Variants in TAF4 observed in about 807,000 individuals in gnomAD.
TAF4 encodes the protein TATA-box binding protein associated factor 4.
Under a neutral mutation model 90.3 loss-of-function variants are expected in TAF4, and 9 were observed. The ratio of observed to expected loss-of-function variants is 0.10; its 90% confidence interval spans 0.06 to 0.17. TAF4 has a LOEUF of 0.17. Ranked by LOEUF, TAF4 falls within the 10% of genes least tolerant of loss-of-function variation. The probability of loss-of-function intolerance (pLI) is 1.00; values close to 1 mark genes in which losing one functional copy is unlikely to be tolerated. For synonymous variants in TAF4, 818 were observed against 638.9 expected (o/e 1.28, Z -4.23); for missense variants, 1,351 against 1,370.7 (o/e 0.99, Z 0.23).
chr20:62,035,416 A>G (rs2055926811), intron 1 of TAF4, among the ~76,000 whole-genome samples: 1 of 152,344 alleles, frequency 6.6e-6, no homozygotes, highest in East Asian at 1.9e-4. Flanking sequence ...CACATAATAT[A>G]AAACCTGAAA....
chr20:62,064,994 GC>G lies in TAF4; in HGVS notation c.816del (p.Pro273HisfsTer136). ...GCCAGAGTGGCGGGCGCGGGGGGTG[GC>G]GGGGGCGGGGCGGCGGCGGGGGCGG... Reference protein sequence around the residue: ...APAAPAAAPPPPPPAPATLAR... With the variant: ...APAAPAAAPPXPPPAPATLAR... On this transcript the variant is annotated frameshift_variant, in exon 1 of 15. Coordinates refer to ENST00000252996, the MANE Select transcript of TAF4 (RefSeq NM_003185.4). LOFTEE classifies it high-confidence loss of function. 3.9e-6 allele frequency: 1 copy of G among 254,812 alleles called. No homozygotes were observed. Among genetic ancestry groups the G allele is most frequent in the Non-Finnish European group, 5.7e-6 (1 of 176,822 alleles). The allele number at this position is 254,812 out of a possible 1,614,324, so 15.8% of individuals were successfully genotyped here.
intron 1 of TAF4, among the ~76,000 whole-genome samples, chr20:62,024,741 A>G (rs1600849369): frequency 6.6e-6 from 1 of 152,094 alleles, no homozygotes; most frequent in Non-Finnish European, 1.5e-5. Context: ...GTGGTGGTGC[A>G]CACCTCTAGT....
Position 62,064,904 on chromosome 20 carries a change from CGGCGGCGGGG to C in TAF4, c.897_906del (p.Ala301ArgfsTer105). On this transcript the variant is annotated frameshift_variant, in exon 1 of 15. Coordinates refer to ENST00000252996, the MANE Select transcript of TAF4 (RefSeq NM_003185.4). LOFTEE classifies it high-confidence loss of function. ...GCCCCGGCGCTGCCCCCGTTCTGGG[CGGCGGCGGGG>C]GGCGGCACGGCGGGCGCGGCGGTCG... 2.8e-6 allele frequency: 2 copies of C among 722,688 alleles called. No individual in the cohort carries two copies. The highest frequency in any genetic ancestry group is 3.3e-6 in the Non-Finnish European group (2 of 602,126). 44.8% of individuals were successfully genotyped at this position (722,688 alleles called of 1,614,324 possible).
chr20:61,978,560 G>A (rs1422916748), intron 14 of TAF4, among the ~76,000 whole-genome samples: 1 of 150,428 alleles, frequency 6.6e-6, no homozygotes, highest in Non-Finnish European at 1.5e-5. Flanking sequence ...ACCAAAGGAG[G>A]GGGTGAGACC....
At chr20:61,993,169 G>C (rs1174266485) in intron 14 of TAF4, among the ~76,000 whole-genome samples, 3 of 152,184 alleles carry the variant, frequency 2.0e-5, no homozygotes, top group Non-Finnish European at 4.4e-5. Flanking sequence ...CACAGACTAA[G>C]AGCACCGCCA....
At chr20:62,013,713 C>G (rs754738567) in intron 2 of TAF4, among the ~76,000 whole-genome samples, 1 of 152,254 alleles carries the variant, frequency 6.6e-6, no homozygotes, top group African/African-American at 2.4e-5. Context: ...AGCAGCATCA[C>G]AGTGCCAGGG....
intron 1 of TAF4, among the ~76,000 whole-genome samples, chr20:62,059,130 C>T (rs1003507577): frequency 1.3e-5 from 2 of 152,238 alleles, no homozygotes; most frequent in Non-Finnish European, 1.5e-5. Flanking sequence ...ATGACACCCA[C>T]GGTGGGAGAA....
chr20:61,994,321 C>T (rs1471231329), intron 14 of TAF4, among the ~76,000 whole-genome samples: 4 of 152,240 alleles, frequency 2.6e-5, no homozygotes, highest in Admixed American at 1.3e-4. Flanking sequence ...GGGCCCATCC[C>T]GGGCCAAGAC....
At chr20:62,050,164 G>A (rs1415053532) in intron 1 of TAF4, among the ~76,000 whole-genome samples, 3 of 152,142 alleles carry the variant, frequency 2.0e-5, no homozygotes, top group Admixed American at 2.0e-4. Flanking sequence ...GCCCCCAGAG[G>A]ACACTGCAGA....
chr20:61,984,123 A>G (rs528486548), intron 14 of TAF4, among the ~76,000 whole-genome samples: 2 of 152,352 alleles, frequency 1.3e-5, no homozygotes, highest in East Asian at 3.9e-4. Flanking sequence ...CTAAGCCAGC[A>G]GCCGGAAGAC....
chr20:62,001,808 G>A (rs1328853377), intron 9 of TAF4, among the ~76,000 whole-genome samples: 4 of 148,642 alleles, frequency 2.7e-5, no homozygotes, highest in Admixed American at 6.8e-5. Context: ...GACGGTCTCC[G>A]CTCATCTTGT....
intron 1 of TAF4, among the ~76,000 whole-genome samples, chr20:62,029,422 G>C (rs1275531464): frequency 6.6e-6 from 1 of 152,110 alleles, no homozygotes; most frequent in Non-Finnish European, 1.5e-5. Context: ...TGACACAGAA[G>C]CCCTTCGAAG....
At chr20:61,993,903 C>T (rs767992357) in intron 14 of TAF4, among the ~76,000 whole-genome samples, 2 of 152,146 alleles carry the variant, frequency 1.3e-5, no homozygotes, top group African/African-American at 4.8e-5. Context: ...CAGGTGCCTA[C>T]CACCACGCCC....
At chr20:62,022,864 C>T (rs189597408) in intron 1 of TAF4, among the ~76,000 whole-genome samples, 31 of 99,922 alleles carry the variant, frequency 3.1e-4, no homozygotes, top group African/African-American at 1.1e-3. Context: ...ACTTGCAGCC[C>T]CCCCCCCGCA....
rs1190648950 is a variant in TAF4 at position 62,000,477 on chromosome 20, T to C, written c.2656+75A>G. On this transcript the variant is annotated intron_variant, in intron 10 of 14. Coordinates refer to ENST00000252996, the MANE Select transcript of TAF4 (RefSeq NM_003185.4). ...ACAAAACACATGACCAGGTGTCAGG[T>C]GTGCTCACCTGAAGCTCCCATGCCC... is the stretch of plus-strand genomic sequence containing the variant. 6.4e-5 allele frequency: 96 copies of C among 1,509,874 alleles called. 1 individual carries two copies. The highest frequency in any genetic ancestry group is 2.1e-4 in the South Asian group (17 of 79,704). The allele number at this position is 1,509,874 out of a possible 1,614,324, so 93.5% of individuals were successfully genotyped here. A position where few individuals can be genotyped will look rare whatever the true frequency, so the allele number is the denominator to read the frequency against.
rs539653943 is a variant in TAF4 at position 61,978,054 on chromosome 20, G to A, written c.3091-1719C>T. 3.5e-4 allele frequency among the ~76,000 whole-genome samples: 46 copies of A among 131,402 alleles called. No homozygotes were observed. In the South Asian group the frequency reaches 0.011, roughly 31 times the overall value. The allele number at this position is 131,402 out of a possible 152,430, so 86.2% of individuals were successfully genotyped here. A position where few individuals can be genotyped will look rare whatever the true frequency, so the allele number is the denominator to read the frequency against. On this transcript the variant is annotated intron_variant, in intron 14 of 14. Coordinates refer to ENST00000252996, the MANE Select transcript of TAF4 (RefSeq NM_003185.4). ...AAGGGAGGGCACGAGACCAACCAAGGGAGGGCGCGACACCAACCAAGGGAG... is the reference window on the plus strand; with the variant it reads ...AAGGGAGGGCACGAGACCAACCAAGAGAGGGCGCGACACCAACCAAGGGAG...
At position 62,010,454 on chromosome 20, in the gene TAF4, A is replaced by G. The variant is rs2055772172; in HGVS notation, c.1642-289T>C. On this transcript the variant is annotated intron_variant, in intron 3 of 14. Transcript: ENST00000252996. The surrounding 1 kb of genome is among the most constrained non-coding windows in gnomAD (Gnocchi z 4.5). Reference sequence around the variant, plus strand: ...AGGCACTGCAGAGACCCCAGTCCTCAGAAGTCCATGGAAAAAGTCACATAG... The same window carrying G: ...AGGCACTGCAGAGACCCCAGTCCTCGGAAGTCCATGGAAAAAGTCACATAG... 6.6e-6 allele frequency among the ~76,000 whole-genome samples: 1 copy of G among 152,182 alleles called. No homozygotes were observed. Among genetic ancestry groups the G allele is most frequent in the South Asian group, 2.1e-4 (1 of 4,832 alleles).
intron 7 of TAF4, chr20:62,004,733 T>C (rs3787427): frequency 0.6 from 91,079 of 152,152 alleles, 27,708 homozygotes; most frequent in Middle Eastern, 0.76. Context: ...CACCCACTGC[T>C]CCCAGCATGG....
At chr20:62,019,526 G>A (rs1480477362) in intron 1 of TAF4, among the ~76,000 whole-genome samples, 4 of 152,206 alleles carry the variant, frequency 2.6e-5, no homozygotes, top group Non-Finnish European at 5.9e-5. Flanking sequence ...CTCTCCCAGC[G>A]GTTCAAGGCC....
Sources: allele counts gnomAD v4.1 joint callset (sites outside exome capture counted in the v4.1 genomes callset), GRCh38; gene constraint gnomAD v4.1.1; non-coding constraint Gnocchi (gnomAD v3.1); transcripts MANE v1.5; gene names NCBI Gene and HGNC (gene_info 2026-07-23, HGNC 2026-07-21).